Variants in ULK4 observed in about 807,000 individuals in gnomAD.
The protein encoded by ULK4 is inactive serine/threonine-protein kinase ULK4.
Under a neutral mutation model 160.6 loss-of-function variants are expected in ULK4, and 133 were observed. The ratio of observed to expected loss-of-function variants is 0.83; its 90% CI spans 0.72 to 0.96. The LOEUF is 0.96. Ranked by LOEUF, ULK4 falls within the 40% of genes least tolerant of loss-of-function variation. The pLI, the probability that ULK4 is intolerant of heterozygous loss-of-function variation, is 0.00. For synonymous variants in ULK4, 534 were observed against 539.8 expected (o/e 0.99, Z 0.15); for missense variants, 1,580 against 1,499.5 (o/e 1.05, Z -0.89).
chr3:41,811,864 C>G (rs752158997), intron 19 of ULK4, among the ~76,000 whole-genome samples: 1 of 152,170 alleles, frequency 6.6e-6, no homozygotes, highest in Non-Finnish European at 1.5e-5. Context: ...TAATCTTATA[C>G]TGAGACTGTA....
intron 31 of ULK4, among the ~76,000 whole-genome samples, chr3:41,576,138 C>A (rs2088181402): frequency 6.6e-6 from 1 of 152,246 alleles, no homozygotes; most frequent in Non-Finnish European, 1.5e-5. Context: ...AGACACACAA[C>A]TCCTTCAGCC....
intron 35 of ULK4, among the ~76,000 whole-genome samples, chr3:41,297,294 G>A (rs2079689620): frequency 6.6e-6 from 1 of 152,190 alleles, no homozygotes; most frequent in Non-Finnish European, 1.5e-5. Flanking sequence ...CACTGGGCGG[G>A]GGGTTGGAGG....
intron 32 of ULK4, among the ~76,000 whole-genome samples, chr3:41,506,767 A>AAAAAAAAAAAATAT: frequency 5.3e-5 from 3 of 56,766 alleles, no homozygotes; most frequent in African/African-American, 2.5e-4. Flanking sequence ...TGTGATTTAA[A>AAAAAAAAAAAATAT]ATATATATAT....
chr3:41,851,233 T>C (rs751066399), intron 17 of ULK4, among the ~76,000 whole-genome samples: 3 of 152,320 alleles, frequency 2.0e-5, no homozygotes, highest in African/African-American at 2.4e-5. Context: ...TGGCTCTTAT[T>C]ATTTTGAGAT....
At chr3:41,349,397 G>A (rs1381866231) in intron 35 of ULK4, among the ~76,000 whole-genome samples, 3 of 152,162 alleles carry the variant, frequency 2.0e-5, no homozygotes, top group African/African-American at 7.2e-5. Context: ...TGACAACCTA[G>A]GTTGGTTCAG....
chr3:41,824,176 A>ATT (rs1293528582), intron 18 of ULK4, among the ~76,000 whole-genome samples: 2 of 151,540 alleles, frequency 1.3e-5, no homozygotes, highest in Non-Finnish European at 2.9e-5. Context: ...AAAAAAAAAA[A>ATT]AAAAAAGGAG....
chr3:41,448,151 G>T (rs6599156), intron 34 of ULK4, among the ~76,000 whole-genome samples: 46,597 of 151,980 alleles, frequency 0.31, 7,311 homozygotes, highest in African/African-American at 0.34. Context: ...CCTTCCTAGG[G>T]TTTACAGCTT....
At chr3:41,434,037 G>C (rs556882432) in intron 34 of ULK4, among the ~76,000 whole-genome samples, 9 of 152,262 alleles carry the variant, frequency 5.9e-5, no homozygotes, top group Middle Eastern at 3.4e-3. Context: ...CAAACTTTTT[G>C]AGTGTCAATA....
intron 19 of ULK4, among the ~76,000 whole-genome samples, chr3:41,813,345 A>G (rs1289107420): frequency 2.0e-5 from 3 of 152,138 alleles, no homozygotes; most frequent in Non-Finnish European, 4.4e-5. Context: ...AACATAAACT[A>G]TTGGTTTTAT....
chr3:41,410,045 A>C lies in ULK4; in HGVS notation c.3493-11781T>G, dbSNP rs1011025749. Reference sequence around the variant, plus strand: ...TACAATCAAAAACACAGACAGTAACAAGCAGTTGGTGAGTATGTGGAGAAA... The same window carrying C: ...TACAATCAAAAACACAGACAGTAACCAGCAGTTGGTGAGTATGTGGAGAAA... On this transcript the variant is annotated intron_variant, in intron 34 of 36. Coordinates refer to ENST00000301831, the MANE Select transcript of ULK4 (RefSeq NM_017886.4). 5.3e-5 allele frequency among the ~76,000 whole-genome samples: 8 copies of C among 152,164 alleles called. No homozygotes were observed. In the South Asian group the frequency reaches 6.2e-4, roughly 12 times the overall value.
chr3:41,521,806 T>C (rs573293668), intron 32 of ULK4, among the ~76,000 whole-genome samples: 3 of 152,330 alleles, frequency 2.0e-5, no homozygotes, highest in Admixed American at 1.3e-4. Flanking sequence ...TCAATATCCC[T>C]GGGGAGATTA....
chr3:41,420,237 T>C (rs1559587894), intron 34 of ULK4, among the ~76,000 whole-genome samples: 2 of 152,006 alleles, frequency 1.3e-5, no homozygotes, highest in Non-Finnish European at 2.9e-5. Context: ...AGATTATAAT[T>C]ACTTTAAATT....
intron 30 of ULK4, among the ~76,000 whole-genome samples, chr3:41,644,371 A>G (rs1174110125): frequency 1.7e-4 from 26 of 151,014 alleles, no homozygotes; most frequent in African/African-American, 3.9e-4. Flanking sequence ...TGTCCCATCA[A>G]TACCTAATTT....
chr3:41,517,680 G>A (rs796261151), intron 32 of ULK4, among the ~76,000 whole-genome samples: 220 of 152,230 alleles, frequency 1.4e-3, no homozygotes, highest in African/African-American at 5.0e-3. Flanking sequence ...TAAAGCACTC[G>A]CTGTTCTGAA....
At chr3:41,556,635 G>A (rs552160147) in intron 32 of ULK4, among the ~76,000 whole-genome samples, 4 of 151,874 alleles carry the variant, frequency 2.6e-5, no homozygotes, top group South Asian at 4.2e-4. Flanking sequence ...CTACAGGCAC[G>A]TGCCACCATG....
At chr3:41,884,989 T>A (rs993292612) in intron 16 of ULK4, among the ~76,000 whole-genome samples, 1 of 152,156 alleles carries the variant, frequency 6.6e-6, no homozygotes, top group Non-Finnish European at 1.5e-5. Context: ...CCCAGCTAGC[T>A]GGGACTGTAG....
At chr3:41,617,576 C>T (rs2033036264) in intron 30 of ULK4, among the ~76,000 whole-genome samples, 1 of 152,166 alleles carries the variant, frequency 6.6e-6, no homozygotes, top group Admixed American at 6.5e-5. Flanking sequence ...ACAACATCAA[C>T]ATCAACATAA....
At chr3:41,769,116 C>T (rs1193956544) in intron 21 of ULK4, among the ~76,000 whole-genome samples, 1 of 152,134 alleles carries the variant, frequency 6.6e-6, no homozygotes, top group Admixed American at 6.6e-5. Flanking sequence ...AATTACATAG[C>T]TTTATTTGTA....
intron 21 of ULK4, among the ~76,000 whole-genome samples, chr3:41,769,655 T>A (rs533980196): frequency 6.6e-6 from 1 of 152,158 alleles, no homozygotes; most frequent in South Asian, 2.1e-4. Flanking sequence ...AACTTAAAGA[T>A]GGTATAATGA....
Sources: gnomAD v4.1 joint callset for allele counts (sites outside exome capture counted in the v4.1 genomes callset) on GRCh38, gnomAD v4.1.1 for gene constraint, MANE v1.5 for transcripts, NCBI Gene and HGNC (gene_info 2026-07-23, HGNC 2026-07-21) for gene names.